Variants in PDE1C observed in about 807,000 individuals in gnomAD.
The protein encoded by PDE1C is phosphodiesterase 1C.
In PDE1C, 62 loss-of-function variants were observed where a neutral mutation model predicts 93.1. That is an observed-to-expected ratio of 0.67 (90% CI 0.54 to 0.82). PDE1C has a LOEUF of 0.82. Among genes scored for constraint, PDE1C ranks in the 40% least tolerant of loss-of-function variants. PDE1C has a pLI of 0.00. For synonymous variants in PDE1C, 325 were observed against 310.1 expected (o/e 1.05, Z -0.50); for missense variants, 742 against 884.6 (o/e 0.84, Z 2.04).
intron 7 of PDE1C, among the ~76,000 whole-genome samples, chr7:31,854,004 GGCGTGAGCAACTGT>G (rs1458040293): frequency 1.3e-5 from 2 of 151,868 alleles, no homozygotes; most frequent in East Asian, 3.9e-4. Flanking sequence ...TGGGATTATA[GGCGTGAGCAACTGT>G]GCCTGGCTAA....
At position 32,014,474 on chromosome 7, in the gene PDE1C, T is replaced by A. The variant is rs201739104; in HGVS notation, c.128+37080A>T. On this transcript the variant is annotated intron_variant, in intron 2 of 17. Coordinates refer to ENST00000396191, the MANE Select transcript of PDE1C (RefSeq NM_001191057.4). ...AAATATATGTCTTTTTTTTTATTTATTTTAAGTTCTGGGATACATGTGCAG... is the reference window on the plus strand; with the variant it reads ...AAATATATGTCTTTTTTTTTATTTAATTTAAGTTCTGGGATACATGTGCAG... Among the ~76,000 whole-genome samples, 4 of 107,900 alleles carry A rather than the reference T, an allele frequency of 3.7e-5. No homozygotes were observed. The East Asian group carries it at 1.4e-3, about 38-fold the overall frequency. 70.8% of individuals were successfully genotyped at this position (107,900 alleles called of 152,430 possible).
chr7:31,805,417 AC>A (rs1444043488), intron 16 of PDE1C, among the ~76,000 whole-genome samples: 1 of 151,926 alleles, frequency 6.6e-6, no homozygotes, highest in East Asian at 1.9e-4. Flanking sequence ...ATAAGGGAGT[AC>A]TATTGTACTC....
chr7:32,172,195 C>A (rs2128806625), intron 2 of PDE1C, among the ~76,000 whole-genome samples: 1 of 151,682 alleles, frequency 6.6e-6, no homozygotes, highest in South Asian at 2.1e-4. Flanking sequence ...TTATGTCTAC[C>A]CAGATAAAAG....
chr7:32,210,336 A>AT (rs1339018920), intron 1 of PDE1C, among the ~76,000 whole-genome samples: 1 of 152,224 alleles, frequency 6.6e-6, no homozygotes, highest in African/African-American at 2.4e-5. Flanking sequence ...AGACATGGGT[A>AT]TTTGTGATCT....
intron 1 of PDE1C, among the ~76,000 whole-genome samples, chr7:32,377,261 T>C (rs975905719): frequency 6.6e-6 from 1 of 152,176 alleles, no homozygotes; most frequent in African/African-American, 2.4e-5. Context: ...GGAAACCTGA[T>C]TATCCGCACT....
At chr7:31,791,047 G>C (rs541516566) in intron 16 of PDE1C, among the ~76,000 whole-genome samples, 7 of 152,200 alleles carry the variant, frequency 4.6e-5, no homozygotes, top group Admixed American at 2.0e-4. Flanking sequence ...TGGACTTTAA[G>C]AAGGGTAACA....
intron 3 of PDE1C, among the ~76,000 whole-genome samples, chr7:32,126,123 G>A (rs1799564767): frequency 6.6e-6 from 1 of 151,890 alleles, no homozygotes; most frequent in Admixed American, 6.6e-5. Context: ...GAACCTTTCT[G>A]GTCACTGGAA....
chr7:32,117,861 T>G (rs1280847669), intron 3 of PDE1C, among the ~76,000 whole-genome samples: 5 of 152,210 alleles, frequency 3.3e-5, no homozygotes, highest in African/African-American at 9.6e-5. Flanking sequence ...GGAAGGGGTG[T>G]TGTTGTGAAC....
At chr7:32,013,773 A>C (rs1787484959) in intron 2 of PDE1C, among the ~76,000 whole-genome samples, 1 of 152,250 alleles carries the variant, frequency 6.6e-6, no homozygotes, top group South Asian at 2.1e-4. Context: ...CAGATACCTA[A>C]GAATGTTAGC....
intron 17 of PDE1C, among the ~76,000 whole-genome samples, chr7:31,769,454 G>C (rs932562007): frequency 6.6e-5 from 10 of 152,258 alleles, no homozygotes; most frequent in African/African-American, 2.4e-4. Flanking sequence ...TTCCATCTAA[G>C]AATTTGAGTC....
chr7:32,232,864 T>C (rs535309984), intron 1 of PDE1C, among the ~76,000 whole-genome samples: 1 of 152,322 alleles, frequency 6.6e-6, no homozygotes, highest in Admixed American at 6.5e-5. Context: ...CACAGAAGGC[T>C]GGTCAAAACT....
At chr7:31,935,426 C>T (rs932661625) in intron 2 of PDE1C, among the ~76,000 whole-genome samples, 5 of 152,138 alleles carry the variant, frequency 3.3e-5, no homozygotes, top group Non-Finnish European at 5.9e-5. Context: ...CAAGTTCATC[C>T]TTCTCTAACT....
intron 2 of PDE1C, among the ~76,000 whole-genome samples, chr7:32,171,718 A>C (rs997302413): frequency 1.3e-5 from 2 of 151,222 alleles, no homozygotes; most frequent in African/African-American, 4.9e-5. Flanking sequence ...GAGGATGTGC[A>C]TAAATTATAT....
chr7:32,198,326 G>A (rs1178071812), intron 2 of PDE1C, among the ~76,000 whole-genome samples: 4 of 152,164 alleles, frequency 2.6e-5, no homozygotes, highest in African/African-American at 9.7e-5. Flanking sequence ...GAAGTCTACA[G>A]TCAGTCTAAT....
At chr7:31,902,274 G>GGAAAT (rs1800079215) in intron 2 of PDE1C, among the ~76,000 whole-genome samples, 1 of 151,092 alleles carries the variant, frequency 6.6e-6, no homozygotes, top group Non-Finnish European at 1.5e-5. Flanking sequence ...AATATAAAAA[G>GGAAAT]GAAATGAAAA....
chr7:32,110,427 T>C (rs1424689996), intron 3 of PDE1C, among the ~76,000 whole-genome samples: 1 of 152,184 alleles, frequency 6.6e-6, no homozygotes, highest in Non-Finnish European at 1.5e-5. Flanking sequence ...TCCCACTGGG[T>C]TCCTCCCATG....
the PDE1C span, among the ~76,000 whole-genome samples, chr7:31,627,599 G>T: frequency 7.4e-6 from 1 of 134,562 alleles, no homozygotes; most frequent in South Asian, 2.5e-4. Flanking sequence ...TCATGGCTAC[G>T]CAGTAAGCTG....
intron 1 of PDE1C, among the ~76,000 whole-genome samples, chr7:32,237,051 T>A (rs1194108711): frequency 6.6e-6 from 1 of 151,460 alleles, no homozygotes; most frequent in Non-Finnish European, 1.5e-5. Context: ...CTCAAAAGGT[T>A]ACATACTGCA....
At chr7:32,225,548 G>A (rs1230753649) in intron 1 of PDE1C, among the ~76,000 whole-genome samples, 1 of 152,130 alleles carries the variant, frequency 6.6e-6, no homozygotes, top group African/African-American at 2.4e-5. Context: ...TCTTGTGTTA[G>A]GTGGGAGATT....
Sources: gnomAD v4.1 joint callset for allele counts (sites outside exome capture counted in the v4.1 genomes callset) on GRCh38, gnomAD v4.1.1 for gene constraint, MANE v1.5 for transcripts, NCBI Gene and HGNC (gene_info 2026-07-23, HGNC 2026-07-21) for gene names.